The following OSBPL10 variants were observed in gnomAD, a reference collection of about 807,000 sequenced individuals.
OSBPL10 encodes the protein oxysterol-binding protein-related protein 10.
A neutral mutation model predicts 81.7 loss-of-function variants in OSBPL10; 49 were observed. The observed-to-expected ratio is 0.60, with a 90% CI of 0.48 to 0.76. OSBPL10 has a LOEUF of 0.76. Among genes scored for constraint, OSBPL10 ranks in the 30% least tolerant of loss-of-function variants. OSBPL10 has a pLI of 0.00. For synonymous variants in OSBPL10, 419 were observed against 383.6 expected, an observed-to-expected ratio of 1.09 and a Z score of -1.08; for missense variants, 923 against 987.8, an observed-to-expected ratio of 0.93 and a Z score of 0.88.
intron 4 of OSBPL10, among the ~76,000 whole-genome samples, chr3:31,815,670 A>G (rs1699818202): frequency 6.6e-6 from 1 of 152,140 alleles, no homozygotes; most frequent in African/African-American, 2.4e-5. Flanking sequence ...AATGAGGAAG[A>G]ATCTCTGTTG....
chr3:31,719,339 T>C (rs1000615836), intron 6 of OSBPL10, among the ~76,000 whole-genome samples: 1 of 152,182 alleles, frequency 6.6e-6, no homozygotes, highest in Admixed American at 6.6e-5. Context: ...TTCACTGGCT[T>C]TGTATATTAA....
At chr3:31,890,485 G>A (rs1478578190) in intron 1 of OSBPL10, among the ~76,000 whole-genome samples, 1 of 152,086 alleles carries the variant, frequency 6.6e-6, no homozygotes, top group Non-Finnish European at 1.5e-5. Flanking sequence ...CTTGAGCAGA[G>A]GGGCTCCAGG....
intron 1 of OSBPL10, among the ~76,000 whole-genome samples, chr3:32,053,750 G>A (rs1452451714): frequency 1.3e-5 from 2 of 152,148 alleles, no homozygotes; most frequent in African/African-American, 4.8e-5. Context: ...GAGGCAGGTG[G>A]ATCACGGGAG....
intron 7 of OSBPL10, among the ~76,000 whole-genome samples, chr3:31,688,112 T>C (rs956279733): frequency 7.2e-5 from 11 of 152,054 alleles, no homozygotes; most frequent in African/African-American, 2.7e-4. Context: ...GCGTGGCTCC[T>C]GAACTGGAGG....
At chr3:32,057,841 G>T (rs1014998970) in intron 1 of OSBPL10, among the ~76,000 whole-genome samples, 1 of 152,138 alleles carries the variant, frequency 6.6e-6, no homozygotes. Context: ...GCCCTCAGGT[G>T]GGGGACCAAC....
At chr3:31,692,161 C>G (rs1695577230) in intron 7 of OSBPL10, among the ~76,000 whole-genome samples, 1 of 152,152 alleles carries the variant, frequency 6.6e-6, no homozygotes, top group Admixed American at 6.5e-5. Context: ...TCCCAGACAT[C>G]AGCTCACAGA....
chr3:31,665,923 C>G (rs1700177468), intron 10 of OSBPL10, among the ~76,000 whole-genome samples: 1 of 152,142 alleles, frequency 6.6e-6, no homozygotes, highest in Admixed American at 6.6e-5. Flanking sequence ...AAACCAGAGA[C>G]AGGGTGATGG....
chr3:32,011,156 CT>C (rs1465610811), intron 2 of OSBPL10, among the ~76,000 whole-genome samples: 1 of 152,246 alleles, frequency 6.6e-6, no homozygotes, highest in African/African-American at 2.4e-5. Flanking sequence ...AAGTGGGTCC[CT>C]GACCCCCGAG....
rs528923334 is a variant in OSBPL10 at position 31,728,532 on chromosome 3, C to T, written c.1095+4725G>A. Reference sequence around the variant, plus strand: ...TATCAAATGCTCTTCAACTAGTAAACGGATAATCTGTAGATCCCATACATA... The same window carrying T: ...TATCAAATGCTCTTCAACTAGTAAATGGATAATCTGTAGATCCCATACATA... On this transcript the variant is annotated intron_variant, in intron 6 of 11. Coordinates refer to ENST00000396556, the MANE Select transcript of OSBPL10 (RefSeq NM_017784.5). Among the ~76,000 whole-genome samples, 35 of 152,274 alleles carry T rather than the reference C, an allele frequency of 2.3e-4. No homozygotes were observed. The South Asian group carries it at 6.2e-3, about 27-fold the overall frequency.
chr3:31,700,537 T>C (rs1255057510), intron 7 of OSBPL10: 1 of 152,214 alleles, frequency 6.6e-6, no homozygotes, highest in Non-Finnish European at 1.5e-5. Context: ...AGTACACATG[T>C]ATCAAAAGAA....
chr3:31,953,959 G>A (rs989227331), intron 1 of OSBPL10, among the ~76,000 whole-genome samples: 1 of 152,156 alleles, frequency 6.6e-6, no homozygotes, highest in Admixed American at 6.5e-5. Flanking sequence ...TCAGTGCTGT[G>A]GTTGATTCCT....
At chr3:31,749,798 G>A (rs1379209903) in intron 4 of OSBPL10, among the ~76,000 whole-genome samples, 1 of 152,034 alleles carries the variant, frequency 6.6e-6, no homozygotes, top group African/African-American at 2.4e-5. Context: ...CTGGGTGACA[G>A]AGTGAGACGC....
intron 4 of OSBPL10, among the ~76,000 whole-genome samples, chr3:31,765,496 G>GTGAA (rs67590423): frequency 3.0e-4 from 46 of 151,090 alleles, no homozygotes; most frequent in African/African-American, 7.0e-4. Context: ...GAGTGAGTGA[G>GTGAA]TGAATGAATG....
chr3:31,805,356 T>G (rs1302895925), intron 4 of OSBPL10, among the ~76,000 whole-genome samples: 14 of 152,176 alleles, frequency 9.2e-5, no homozygotes, highest in Admixed American at 9.2e-4. Context: ...CTCTCTCTAC[T>G]GCATTCCCAT....
chr3:31,956,337 A>G (rs771150023), intron 1 of OSBPL10, among the ~76,000 whole-genome samples: 5 of 152,238 alleles, frequency 3.3e-5, no homozygotes, highest in Non-Finnish European at 7.3e-5. Context: ...TTCTATTAAT[A>G]TCAGTATGTG....
chr3:31,885,905 G>A (rs1695720833), intron 1 of OSBPL10, among the ~76,000 whole-genome samples: 1 of 145,022 alleles, frequency 6.9e-6, no homozygotes, highest in East Asian at 2.1e-4. Flanking sequence ...TGAGGCAGGA[G>A]AATCGCTTGA....
chr3:31,681,090 T>C (rs1196320465), intron 8 of OSBPL10, among the ~76,000 whole-genome samples: 2 of 152,230 alleles, frequency 1.3e-5, no homozygotes, highest in Non-Finnish European at 2.9e-5. Flanking sequence ...AGGCCTAAAC[T>C]GGGTGACCCA....
chr3:31,975,011 C>T (rs1429318998), intron 1 of OSBPL10, among the ~76,000 whole-genome samples: 1 of 152,166 alleles, frequency 6.6e-6, no homozygotes, highest in Non-Finnish European at 1.5e-5. Context: ...GGAAATCACC[C>T]ATAATCCCAC....
chr3:31,750,384 C>G (rs149290472), intron 4 of OSBPL10, among the ~76,000 whole-genome samples: 1 of 152,298 alleles, frequency 6.6e-6, no homozygotes, highest in African/African-American at 2.4e-5. Flanking sequence ...TAAGTACCTA[C>G]CTATTGAATG....
Sources: gnomAD v4.1 joint callset for allele counts (sites outside exome capture counted in the v4.1 genomes callset) on GRCh38, gnomAD v4.1.1 for gene constraint, MANE v1.5 for transcripts, NCBI Gene and HGNC (gene_info 2026-07-23, HGNC 2026-07-21) for gene names.